ADGRL4: variants seen among roughly 807,000 people sequenced by gnomAD.
ADGRL4 encodes the protein EGF, latrophilin and seven transmembrane domain containing 1.
Under a neutral mutation model 74.8 loss-of-function variants are expected in ADGRL4, and 90 were observed. The ratio of observed to expected loss-of-function variants is 1.20; its 90% CI spans 1.02 to 1.43. The LOEUF (loss-of-function observed/expected upper bound fraction) is 1.43. Among genes scored for constraint, ADGRL4 ranks in the 40% most tolerant of loss-of-function variants. The probability of loss-of-function intolerance (pLI) is 0.00; values close to 1 mark genes in which losing one functional copy is unlikely to be tolerated. For missense variants in ADGRL4, 881 were observed against 814.3 expected (o/e 1.08, Z -1.00); for synonymous variants, 311 against 279.2 (o/e 1.11, Z -1.14).
intron 2 of ADGRL4, among the ~76,000 whole-genome samples, chr1:78,949,852 A>G (rs957721288): frequency 2.0e-5 from 3 of 152,182 alleles, no homozygotes; most frequent in Non-Finnish European, 4.4e-5. Context: ...TATATTGTAG[A>G]TATATTTTAA....
chr1:78,906,167 A>G (rs932959635), intron 12 of ADGRL4, among the ~76,000 whole-genome samples: 8 of 152,138 alleles, frequency 5.3e-5, no homozygotes, highest in African/African-American at 1.9e-4. Flanking sequence ...CTAAATTCTT[A>G]GTCAACTAGT....
intron 6 of ADGRL4, among the ~76,000 whole-genome samples, chr1:78,936,831 A>G (rs1028059523): frequency 4.5e-4 from 68 of 152,212 alleles, no homozygotes; most frequent in African/African-American, 1.3e-3. Context: ...CAGAAACATT[A>G]TAAAAATATA....
At chr1:78,905,018 G>A (rs1648606558) in intron 12 of ADGRL4, among the ~76,000 whole-genome samples, 1 of 151,920 alleles carries the variant, frequency 6.6e-6, no homozygotes, top group African/African-American at 2.4e-5. Context: ...ATTGTTTTGT[G>A]ATATGGTTTC....
chr1:78,922,305 G>A (rs903418994), intron 8 of ADGRL4, among the ~76,000 whole-genome samples: 2 of 151,970 alleles, frequency 1.3e-5, no homozygotes, highest in African/African-American at 2.4e-5. Context: ...GTGAAGGGGG[G>A]TGTCCAACAG....
chr1:78,944,382 T>G (rs372694357), intron 3 of ADGRL4, among the ~76,000 whole-genome samples: 115 of 152,312 alleles, frequency 7.6e-4, no homozygotes, highest in African/African-American at 2.6e-3. Flanking sequence ...GCACATTATA[T>G]GACATTCTAA....
chr1:78,894,853 C>T (rs1420966904), intron 12 of ADGRL4, among the ~76,000 whole-genome samples: 1 of 151,850 alleles, frequency 6.6e-6, no homozygotes. Context: ...AAGTTTTCCA[C>T]ATAAATAGTA....
intron 12 of ADGRL4, among the ~76,000 whole-genome samples, chr1:78,896,813 A>C (rs191370538): frequency 2.5e-4 from 38 of 152,258 alleles, no homozygotes; most frequent in Admixed American, 2.2e-3. Context: ...GTGGCTTTTA[A>C]GGTCTGAATG....
At position 78,927,006 on chromosome 1, in the gene ADGRL4, A is replaced by C. The variant is rs1169482578; in HGVS notation, c.963T>G (p.Asn321Lys). ...TTTCCTCCTCTTCAGAATTATCATA[A>C]TTTTGAGGTTTCAATAAGAAGTTGT... ...SSDNFLLKPQ[N>K]YDNSEEEERV... Residue 321 changes from asparagine (N) to lysine (K), a missense_variant, in exon 8 of 15, where the codon AAT (asparagine) becomes AAG (lysine). Asn to Lys is a moderately conservative substitution (Grantham distance 94). Coordinates refer to ENST00000370742, the MANE Select transcript of ADGRL4 (RefSeq NM_022159.4). The C allele has an allele frequency of 1.9e-6, 3 of 1,611,590 alleles. No individual in the cohort carries two copies. In the South Asian group the frequency reaches 3.3e-5, roughly 18 times the overall value.
At position 78,898,511 on chromosome 1, in the gene ADGRL4, ATT is replaced by A. The variant is rs553905904; in HGVS notation, c.1750-5324_1750-5323del. 3.1e-3 allele frequency among the ~76,000 whole-genome samples: 444 copies of A among 144,774 alleles called. 2 individuals carry two copies. Among genetic ancestry groups the A allele is most frequent in the Non-Finnish European group, 3.7e-3 (244 of 65,844 alleles). The allele number at this position is 144,774 out of a possible 152,430, so 95.0% of individuals were successfully genotyped here. On this transcript the variant is annotated intron_variant, in intron 12 of 14. Coordinates refer to ENST00000370742, the MANE Select transcript of ADGRL4 (RefSeq NM_022159.4). ...ATTCCTTCATTATCACTTTTGTCTC[ATT>A]TTTTTTTTTTTAACGATTTCAGATT...
At chr1:78,930,447 A>ATTTTTTTTTTTTTT (rs750792474) in intron 7 of ADGRL4, among the ~76,000 whole-genome samples, 1 of 97,290 alleles carries the variant, frequency 1.0e-5, no homozygotes, top group Non-Finnish European at 1.9e-5. Flanking sequence ...GGAAAAGCTG[A>ATTTTTTTTTTTTTT]TTTTTTTTTT....
At chr1:78,992,763 A>AT (rs572792786) in intron 2 of ADGRL4, among the ~76,000 whole-genome samples, 320 of 152,234 alleles carry the variant, frequency 2.1e-3, no homozygotes, top group Non-Finnish European at 3.5e-3. Flanking sequence ...GATTTGTTCC[A>AT]TTTTTTATCA....
At chr1:78,943,049 G>A (rs562489546) in intron 3 of ADGRL4, among the ~76,000 whole-genome samples, 1 of 152,142 alleles carries the variant, frequency 6.6e-6, no homozygotes, top group South Asian at 2.1e-4. Context: ...TGATGGTTAT[G>A]ATTCTTATAA....
intron 2 of ADGRL4, among the ~76,000 whole-genome samples, chr1:78,995,509 C>T (rs1650695451): frequency 6.6e-6 from 1 of 152,190 alleles, no homozygotes; most frequent in African/African-American, 2.4e-5. Flanking sequence ...AAAGCATCTC[C>T]TGCATTGGTC....
intron 2 of ADGRL4, among the ~76,000 whole-genome samples, chr1:78,955,554 G>GT (rs923620856): frequency 2.0e-5 from 3 of 150,846 alleles, no homozygotes; most frequent in Admixed American, 1.3e-4. Context: ...TATTGCCTTT[G>GT]TTTTTTTTCC....
rs577316152 is a variant in ADGRL4, at chr1:78,896,288, T to A, written c.1750-3099A>T. Among the ~76,000 whole-genome samples, 12 of 152,270 alleles carry A rather than the reference T, an allele frequency of 7.9e-5. No homozygotes were observed. In the South Asian group the frequency reaches 2.3e-3, roughly 29 times the overall value. On this transcript the variant is annotated intron_variant, in intron 12 of 14. Coordinates refer to ENST00000370742, the MANE Select transcript of ADGRL4 (RefSeq NM_022159.4). The stretch of plus-strand genomic sequence containing the variant: ...TTCATTATAACTGATTAAATTCTAG[T>A]TTAAATGCTAAGTCCCAAGACAGGT...
At chr1:78,912,488 T>C (rs1412264369) in intron 12 of ADGRL4, among the ~76,000 whole-genome samples, 1 of 151,822 alleles carries the variant, frequency 6.6e-6, no homozygotes, top group Non-Finnish European at 1.5e-5. Flanking sequence ...GCAAACCCTA[T>C]TGTGCAATGT....
At chr1:78,976,752 C>A (rs945915966) in intron 2 of ADGRL4, among the ~76,000 whole-genome samples, 1 of 150,350 alleles carries the variant, frequency 6.7e-6, no homozygotes, top group Non-Finnish European at 1.5e-5. Flanking sequence ...GTGAACAGCA[C>A]TATATTTTTT....
chr1:78,977,876 G>A (rs541417340), intron 2 of ADGRL4, among the ~76,000 whole-genome samples: 40 of 152,046 alleles, frequency 2.6e-4, no homozygotes, highest in Middle Eastern at 3.4e-3. Context: ...CCCACATCAT[G>A]TATGTGTGGT....
intron 2 of ADGRL4, among the ~76,000 whole-genome samples, chr1:78,969,669 T>C (rs900661185): frequency 2.6e-5 from 4 of 151,730 alleles, no homozygotes; most frequent in African/African-American, 4.8e-5. Context: ...CTAAAGTCTG[T>C]TTTGCAAATG....
Sources: allele counts gnomAD v4.1 joint callset (sites outside exome capture counted in the v4.1 genomes callset), GRCh38; gene constraint gnomAD v4.1.1; transcripts MANE v1.5; gene names NCBI Gene and HGNC (gene_info 2026-07-23, HGNC 2026-07-21).